ENTREP2: variants seen among roughly 807,000 people sequenced by gnomAD.
ENTREP2 encodes the protein protein ENTREP2.
the ENTREP2 span, chr15:29,268,737 A>C: frequency 6.5e-7 from 1 of 1,536,304 alleles, no homozygotes; most frequent in Non-Finnish European, 8.8e-7. Flanking sequence ...AATCCTCTAA[A>C]CTGTGCCTTT....
chr15:29,171,086 T>C, the ENTREP2 span, among the ~76,000 whole-genome samples: 27 of 152,062 alleles, frequency 1.8e-4, no homozygotes, highest in Non-Finnish European at 3.1e-4. Flanking sequence ...AACTAACCTC[T>C]CCCATGCTAA....
the ENTREP2 span, among the ~76,000 whole-genome samples, chr15:29,642,500 C>T: frequency 1.4e-5 from 2 of 146,528 alleles, no homozygotes; most frequent in Non-Finnish European, 3.0e-5. Flanking sequence ...CATATATACA[C>T]ATATATATCA....
the ENTREP2 span, among the ~76,000 whole-genome samples, chr15:29,386,997 T>A: frequency 2.0e-5 from 3 of 152,192 alleles, no homozygotes; most frequent in Non-Finnish European, 4.4e-5. Flanking sequence ...TATTTCTTTC[T>A]CCTGCCTGAC....
the ENTREP2 span, chr15:29,268,635 T>TA: frequency 1.7e-5 from 11 of 633,154 alleles, no homozygotes; most frequent in Non-Finnish European, 2.7e-5. Flanking sequence ...AACACAACAT[T>TA]AAAAAAACAA....
the ENTREP2 span, among the ~76,000 whole-genome samples, chr15:29,471,118 G>C: frequency 2.0e-5 from 3 of 152,338 alleles, no homozygotes; most frequent in Non-Finnish European, 4.4e-5. Context: ...AGAGGATCTA[G>C]GGGACATTGA....
At chr15:29,155,111 T>C in the ENTREP2 span, among the ~76,000 whole-genome samples, 1 of 140,532 alleles carries the variant, frequency 7.1e-6, no homozygotes, top group Non-Finnish European at 1.6e-5. Context: ...TGAAACCCCG[T>C]CTCTACTAAA....
the ENTREP2 span, among the ~76,000 whole-genome samples, chr15:29,656,440 T>TGGTCTTGAACTCCTGAGTGCA: frequency 6.6e-6 from 1 of 152,184 alleles, no homozygotes; most frequent in African/African-American, 2.4e-5. Flanking sequence ...TTGCCCAAGC[T>TGGTCTTGAACTCCTGAGTGCA]GGTCTTGAAC....
the ENTREP2 span, among the ~76,000 whole-genome samples, chr15:29,471,260 A>G: frequency 6.6e-6 from 1 of 152,210 alleles, no homozygotes; most frequent in Non-Finnish European, 1.5e-5. Context: ...TCCATCACTA[A>G]GAGTAAAAAC....
At chr15:29,251,338 C>T in the ENTREP2 span, among the ~76,000 whole-genome samples, 2 of 152,346 alleles carry the variant, frequency 1.3e-5, no homozygotes, top group Middle Eastern at 3.4e-3. Flanking sequence ...ACTGCAATTT[C>T]TGTCACAGCC....
chr15:29,194,207 T>C, the ENTREP2 span, among the ~76,000 whole-genome samples: 7 of 152,236 alleles, frequency 4.6e-5, no homozygotes, highest in Non-Finnish European at 8.8e-5. Flanking sequence ...AGATACTCGC[T>C]TCCAATAGTC....
At chr15:29,493,459 A>G in the ENTREP2 span, among the ~76,000 whole-genome samples, 12 of 152,026 alleles carry the variant, frequency 7.9e-5, no homozygotes, top group Admixed American at 6.5e-4. Context: ...TCATAAAGAG[A>G]AGCTATGTAA....
chr15:29,433,785 A>AGGG, the ENTREP2 span, among the ~76,000 whole-genome samples: 29 of 149,140 alleles, frequency 1.9e-4, no homozygotes, highest in East Asian at 4.7e-3. Context: ...CCATGGGAAA[A>AGGG]AAAAAAAAAA....
the ENTREP2 span, among the ~76,000 whole-genome samples, chr15:29,377,865 A>AATAAT: frequency 0.048 from 2,646 of 55,484 alleles, 101 homozygotes; most frequent in African/African-American, 0.096. Context: ...ATAATAATAA[A>AATAAT]AAAATGAGCC....
the ENTREP2 span, among the ~76,000 whole-genome samples, chr15:29,293,546 G>A: frequency 0.59 from 88,835 of 151,532 alleles, 26,414 homozygotes; most frequent in Middle Eastern, 0.68. Context: ...ATGAGCCACC[G>A]CGCCCGGCCA....
chr15:29,508,654 T>C, the ENTREP2 span, among the ~76,000 whole-genome samples: 2 of 152,168 alleles, frequency 1.3e-5, no homozygotes, highest in African/African-American at 4.8e-5. Flanking sequence ...AAAAACGACA[T>C]GATTATCTCA....
the ENTREP2 span, among the ~76,000 whole-genome samples, chr15:29,471,141 G>C: frequency 6.6e-6 from 1 of 152,150 alleles, no homozygotes; most frequent in Non-Finnish European, 1.5e-5. Flanking sequence ...GTCCTGGGTG[G>C]GGAGTTGCTA....
chr15:29,645,582 G>A, the ENTREP2 span, among the ~76,000 whole-genome samples: 2 of 151,634 alleles, frequency 1.3e-5, no homozygotes, highest in Non-Finnish European at 2.9e-5. Flanking sequence ...TTTTGAGACA[G>A]AGTCTCGCTC....
At chr15:29,370,900 T>C in the ENTREP2 span, among the ~76,000 whole-genome samples, 4 of 152,108 alleles carry the variant, frequency 2.6e-5, no homozygotes, top group South Asian at 2.1e-4. Context: ...GAACACATCA[T>C]AGAAGACACT....
chr15:29,332,702 G>A, the ENTREP2 span, among the ~76,000 whole-genome samples: 3 of 152,180 alleles, frequency 2.0e-5, no homozygotes, highest in East Asian at 1.9e-4. Flanking sequence ...GCTCATGCCT[G>A]TAATCCCAGC....
Sources: gnomAD v4.1 joint callset for allele counts (sites outside exome capture counted in the v4.1 genomes callset) on GRCh38, gnomAD v4.1.1 for gene constraint, MANE v1.5 for transcripts, NCBI Gene and HGNC (gene_info 2026-07-23, HGNC 2026-07-21) for gene names.